TWNK: variants seen among roughly 807,000 people sequenced by gnomAD.
TWNK encodes the protein twinkle mtDNA helicase.
In TWNK, 36 loss-of-function variants were observed where a neutral mutation model predicts 58.2. That is an observed-to-expected ratio of 0.62 (90% CI 0.47 to 0.82). The LOEUF (loss-of-function observed/expected upper bound fraction) is 0.82. Among genes scored for constraint, TWNK ranks in the 40% least tolerant of loss-of-function variants. TWNK has a pLI of 0.00. For missense variants in TWNK, 714 were observed against 881.0 expected (o/e 0.81, Z 2.40); for synonymous variants, 349 against 348.5 (o/e 1.00, Z -0.02).
chr10:100,991,008 AAAGTGAG>A lies in TWNK; in HGVS notation c.1733_1734+5del, dbSNP rs1489901957. 6.2e-7 allele frequency: 1 copy of A among 1,614,124 alleles called. No homozygotes were observed. Among genetic ancestry groups the A allele is most frequent in the Non-Finnish European group, 8.5e-7 (1 of 1,180,050 alleles). ...GACAGCGTCCATTTTTGGCTCAGCC[AAAGTGAG>A]TGGCCTTTAGCGGAGCTCAAGCTTT... On this transcript the variant is annotated splice_donor_variant and splice_donor_5th_base_variant and coding_sequence_variant and intron_variant, in exon 4 of 5. Transcript: ENST00000311916. LOFTEE classifies it high-confidence loss of function.
chr10:100,991,091 A>G, intron 4 of TWNK, 81 bp downstream of exon 4: 1 of 1,600,842 alleles, frequency 6.2e-7, no homozygotes, highest in Non-Finnish European at 8.5e-7. Context: ...TTCAGCCTTA[A>G]TCGTCTTGAC....
At chr10:100,991,148 G>A (rs1489002481) in intron 4 of TWNK, 138 bp downstream of exon 4, 12 of 1,280,270 alleles carry the variant, frequency 9.4e-6, no homozygotes, top group Middle Eastern at 5.3e-4. Context: ...GCCATGACAT[G>A]AGGAATATAT....
Position 100,989,809 on chromosome 10 carries a change from A to G in TWNK, c.1409A>G (p.Lys470Arg), listed in dbSNP as rs1292886347. The change falls in exon 2 of 5, where the codon AAA becomes AGA. Residue 470 changes from lysine to arginine, a missense_variant. By Grantham distance (26) the Lys-to-Arg change is conservative (BLOSUM62 2). This residue lies in a region of TWNK where 302 missense variants were observed against 438.6 expected (regional missense o/e 0.69). Transcript: ENST00000311916. The surrounding 1 kb of genome is among the most constrained non-coding windows in gnomAD (Gnocchi z 7.6). ...AEGRLEDQLD[K>R]YDHWADRFED... The stretch of plus-strand genomic sequence containing the variant: ...GGGCGGCTGGAAGATCAACTGGACA[A>G]ATATGATCACTGGGCTGACCGCTTT... 1 of 1,614,094 alleles carries G rather than the reference A, an allele frequency of 6.2e-7. No homozygotes were observed. Among genetic ancestry groups the G allele is most frequent in the Non-Finnish European group, 8.5e-7 (1 of 1,180,044 alleles).
At position 100,988,441 on chromosome 10, in the gene TWNK, C is replaced by T. The variant is rs2133934933; in HGVS notation, c.231C>T (p.Cys77=). ...TCCCCTTCCAGGATGGTCACAGTTG[C>T]CTGCGGGCACTGAGCCCCTTTGCAG... ...HGIPFQDGHS[C]LRALSPFAES... is the part of the protein sequence containing the mutation. The change falls in exon 1 of 5, where the codon TGC becomes TGT. Residue 77 remains cysteine, a synonymous_variant. Coordinates refer to ENST00000311916, the MANE Select transcript of TWNK (RefSeq NM_021830.5). The surrounding 1 kb of genome is among the most constrained non-coding windows in gnomAD (Gnocchi z 5.2). 1.2e-6 allele frequency: 2 copies of T among 1,614,248 alleles called. No homozygotes were observed. The highest frequency in any genetic ancestry group is 2.2e-5 in the South Asian group (2 of 91,090).
Position 100,991,001 on chromosome 10 carries a change from C to G in TWNK, c.1725C>G (p.Gly575=). The change falls in exon 4 of 5, where the codon GGC becomes GGG. Residue 575 remains glycine (G), a synonymous_variant. Coordinates refer to ENST00000311916, the MANE Select transcript of TWNK (RefSeq NM_021830.5). Reference sequence around the variant, plus strand: ...AACTGCAGACAGCGTCCATTTTTGGCTCAGCCAAAGTGAGTGGCCTTTAGC... The same window carrying G: ...AACTGCAGACAGCGTCCATTTTTGGGTCAGCCAAAGTGAGTGGCCTTTAGC... The part of the protein sequence containing the change: ...DKELQTASIF[G]SAKASQEADN... 1 of 1,614,170 alleles carries G rather than the reference C, an allele frequency of 6.2e-7. No individual in the cohort carries two copies. The highest frequency in any genetic ancestry group is 8.5e-7 in the Non-Finnish European group (1 of 1,180,022).
chr10:100,989,104 G>C lies in TWNK; in HGVS notation c.894G>C (p.Leu298=). 1 of 1,612,794 alleles carries C rather than the reference G, an allele frequency of 6.2e-7. No homozygotes were observed. The highest frequency in any genetic ancestry group is 2.2e-5 in the East Asian group (1 of 44,834). Residue 298 remains leucine, a synonymous_variant, in exon 1 of 5, where the codon CTG becomes CTC. Transcript: ENST00000311916. This position sits in a 1 kb window ranked among gnomAD's most constrained non-coding sequence, Gnocchi z 7.6. ...TCLPPALLPY[L]EQFRRIVFWL... ...TACCCCCTGCCTTACTCCCTTACCT[G>C]GAACAGTTCCGGCGGATTGTATTCT...
intron 3 of TWNK, 159 bp downstream of exon 3, chr10:100,990,702 G>A: frequency 1.3e-6 from 2 of 1,587,500 alleles, no homozygotes; most frequent in South Asian, 1.1e-5. Context: ...GGAGGTGTGG[G>A]GTATGGCAGC....
rs923943932 is a variant in TWNK at position 100,989,434 on chromosome 10, C to T, written c.1224C>T (p.Gly408=). The T allele has an allele frequency of 5.6e-6, 9 of 1,613,886 alleles. No homozygotes were observed. Among genetic ancestry groups the T allele is most frequent in the East Asian group, 2.2e-5 (1 of 44,896 alleles). The change falls in exon 1 of 5, where the codon GGC becomes GGT. Residue 408 remains glycine, a synonymous_variant. Transcript: ENST00000311916. The surrounding 1 kb of genome is among the most constrained non-coding windows in gnomAD (Gnocchi z 7.6). ...GTATCTTGAAGGGACATCGAAAGGGCGAGCTGACGGTCTTCACAGGTAACC... is the reference window on the plus strand; with the variant it reads ...GTATCTTGAAGGGACATCGAAAGGGTGAGCTGACGGTCTTCACAGGTAACC... ...LNRILKGHRK[G]ELTVFTGPTG...
At position 100,988,847 on chromosome 10, in the gene TWNK, G is replaced by T; in HGVS notation, c.637G>T (p.Gly213Cys). 6.2e-7 allele frequency: 1 copy of T among 1,614,180 alleles called. No homozygotes were observed. Among genetic ancestry groups the T allele is most frequent in the Admixed American group, 1.7e-5 (1 of 60,024 alleles). ...TGTCTTCCCTTGGTTCTCCCCTGGG[G>T]GCTCAGGATTACGAGGCCTGAAGCT... The part of the protein sequence containing the change: ...SLVFPWFSPG[G>C]SGLRGLKLLE... Residue 213 changes from glycine to cysteine, a missense_variant, in exon 1 of 5, where the codon GGC becomes TGC. By Grantham distance (159) the Gly-to-Cys change is radical. Around this residue, in one of 3 missense-constraint regions of TWNK, gnomAD observed 348 missense variants for 388.4 expected, o/e 0.90. Transcript: ENST00000311916. This position sits in a 1 kb window ranked among gnomAD's most constrained non-coding sequence, Gnocchi z 5.2.
At position 100,988,666 on chromosome 10, in the gene TWNK, G is replaced by A; in HGVS notation, c.456G>A (p.Glu152=). Residue 152 remains glutamate, a synonymous_variant, in exon 1 of 5, where the codon GAG becomes GAA. Transcript: ENST00000311916. This position sits in a 1 kb window ranked among gnomAD's most constrained non-coding sequence, Gnocchi z 5.2. ...LSKAPEFEDS[E]EVRRIWNRAI... is the part of the protein sequence containing the mutation. ...AGGCACCAGAATTTGAGGACAGCGA[G>A]GAGGTCCGGAGGATCTGGAACCGAG... 6.2e-7 allele frequency: 1 copy of A among 1,614,108 alleles called. No homozygotes were observed.
chr10:100,992,864 G>A (rs1399251242), intron 4 of TWNK, among the ~76,000 whole-genome samples: 5 of 151,854 alleles, frequency 3.3e-5, no homozygotes, highest in Non-Finnish European at 7.4e-5. Context: ...TTGGCTCACT[G>A]CAACCTCCGC....
In TWNK at chr10:100,989,101, C is replaced by T; in HGVS notation, c.891C>T (p.Tyr297=). 1.9e-6 allele frequency: 3 copies of T among 1,613,102 alleles called. No individual in the cohort carries two copies. The highest frequency in any genetic ancestry group is 2.5e-6 in the Non-Finnish European group (3 of 1,179,156). The change falls in exon 1 of 5, where the codon TAC becomes TAT. Residue 297 remains tyrosine (Y), a synonymous_variant. Transcript: ENST00000311916. This position sits in a 1 kb window ranked among gnomAD's most constrained non-coding sequence, Gnocchi z 7.6. ...TTCLPPALLP[Y]LEQFRRIVFW... is the part of the protein sequence containing the mutation. The stretch of plus-strand genomic sequence containing the variant: ...GCTTACCCCCTGCCTTACTCCCTTA[C>T]CTGGAACAGTTCCGGCGGATTGTAT...
chr10:100,989,839 A>C lies in TWNK; in HGVS notation c.1439A>C (p.Asp480Ala), dbSNP rs776631813. The change falls in exon 2 of 5, where the codon GAC (aspartate) becomes GCC (alanine). Residue 480 changes from aspartate (D) to alanine (A), a missense_variant. Transcript: ENST00000311916. This position sits in a 1 kb window ranked among gnomAD's most constrained non-coding sequence, Gnocchi z 7.6. The part of the protein sequence containing the change: ...KYDHWADRFE[D>A]LPLYFMTFHG... ...GATCACTGGGCTGACCGCTTTGAGG[A>C]CCTGCCCCTCTATTTCATGACTTTC... 6.2e-7 allele frequency: 1 copy of C among 1,614,118 alleles called. No homozygotes were observed.
chr10:100,988,277 G>C lies in TWNK; in HGVS notation c.67G>C (p.Gly23Arg). ...GTTACCCCTGCGTGGGGAGTGGATG[G>C]GTCGGAGGGGCCTGCCCCGAAACTT... ...ILLPLRGEWM[G>R]RRGLPRNLAP... Residue 23 changes from glycine (G) to arginine (R), a missense_variant, in exon 1 of 5, where the codon GGT (glycine) becomes CGT (arginine). Physicochemically the swap from Gly to Arg is moderately radical, Grantham distance 125 (BLOSUM62 -2). This residue lies in a region of TWNK where 348 missense variants were observed against 388.4 expected (regional missense o/e 0.90). Transcript: ENST00000311916. The surrounding 1 kb of genome is among the most constrained non-coding windows in gnomAD (Gnocchi z 5.2). 1 of 1,613,946 alleles carries C rather than the reference G, an allele frequency of 6.2e-7. No individual in the cohort carries two copies. Among genetic ancestry groups the C allele is most frequent in the South Asian group, 1.1e-5 (1 of 91,090 alleles).
In TWNK at chr10:100,988,031, A is replaced by G. The variant is rs1185170155; in HGVS notation, c.-180A>G. On this transcript the variant is annotated 5_prime_UTR_variant, in exon 1 of 5. Transcript: ENST00000311916. This position sits in a 1 kb window ranked among gnomAD's most constrained non-coding sequence, Gnocchi z 5.2. ...ACGCGAAAGGGTCGTGTAGATGGGC[A>G]TATGTGTGAAGCAGCAACGTAGAGG... The G allele has an allele frequency of 4.1e-6, 3 of 726,870 alleles. No individual in the cohort carries two copies. The highest frequency in any genetic ancestry group is 7.2e-6 in the Non-Finnish European group (3 of 414,132). 45.0% of individuals were successfully genotyped at this position (726,870 alleles called of 1,614,324 possible).
At position 100,987,736 on chromosome 10, in the gene TWNK, C is replaced by T. The variant is rs936392882; in HGVS notation, c.-475C>T. 30 of 584,756 alleles carry T rather than the reference C, an allele frequency of 5.1e-5. No individual in the cohort carries two copies. The highest frequency in any genetic ancestry group is 4.4e-4 in the Middle Eastern group (1 of 2,252). 36.2% of individuals were successfully genotyped at this position (584,756 alleles called of 1,614,324 possible). A position where few individuals can be genotyped will look rare whatever the true frequency, so the allele number is the denominator to read the frequency against. ...GGATTGGCGGGAGTCGTGCTGGGTGCTCTCGCCGTGTTGAGGTCCCAGTGA... is the reference window on the plus strand; with the variant it reads ...GGATTGGCGGGAGTCGTGCTGGGTGTTCTCGCCGTGTTGAGGTCCCAGTGA... On this transcript the variant is annotated 5_prime_UTR_variant, in exon 1 of 5. Coordinates refer to ENST00000311916, the MANE Select transcript of TWNK (RefSeq NM_021830.5).
Position 100,988,306 on chromosome 10 carries a change from C to T in TWNK, c.96C>T (p.Ala32=), listed in dbSNP as rs776906884. The T allele has an allele frequency of 1.2e-6, 2 of 1,614,106 alleles. No individual in the cohort carries two copies. The highest frequency in any genetic ancestry group is 1.3e-5 in the African/African-American group (1 of 74,956). The change falls in exon 1 of 5, where the codon GCC becomes GCT. Residue 32 remains alanine (A), a synonymous_variant. Coordinates refer to ENST00000311916, the MANE Select transcript of TWNK (RefSeq NM_021830.5). This position sits in a 1 kb window ranked among gnomAD's most constrained non-coding sequence, Gnocchi z 5.2. ...GGAGGGGCCTGCCCCGAAACTTGGCCCCAGGCCCTCCTCGCAGACGTTACA... is the reference window on the plus strand; with the variant it reads ...GGAGGGGCCTGCCCCGAAACTTGGCTCCAGGCCCTCCTCGCAGACGTTACA... ...MGRRGLPRNL[A]PGPPRRRYRK...
At position 100,993,420 on chromosome 10, in the gene TWNK, CA is replaced by C; in HGVS notation, c.1970del (p.Lys657ArgfsTer43). On this transcript the variant is annotated frameshift_variant, in exon 5 of 5. Coordinates refer to ENST00000311916, the MANE Select transcript of TWNK (RefSeq NM_021830.5). LOFTEE classifies it low-confidence loss of function (END_TRUNC). Reference sequence around the variant, plus strand: ...CAGTGGCCAAAAAGCCCTCTTCTGGCAAAAAGGGGGCTACGACACAGAACTC... The same window carrying C: ...CAGTGGCCAAAAAGCCCTCTTCTGGCAAAAGGGGGCTACGACACAGAACTC... Reference protein sequence around the residue: ...GPVAKKPSSGKKGATTQNSEI... With the variant: ...GPVAKKPSSGXKGATTQNSEI... 1 of 1,613,994 alleles carries C rather than the reference CA, an allele frequency of 6.2e-7. No homozygotes were observed. Among genetic ancestry groups the C allele is most frequent in the Non-Finnish European group, 8.5e-7 (1 of 1,179,994 alleles).
rs1484325452 is a variant in TWNK at position 100,989,975 on chromosome 10, T to TC, written c.1484+96dup. On this transcript the variant is annotated intron_variant, in intron 2 of 4. Coordinates refer to ENST00000311916, the MANE Select transcript of TWNK (RefSeq NM_021830.5). This position sits in a 1 kb window ranked among gnomAD's most constrained non-coding sequence, Gnocchi z 7.6. ...TTCCTTTTCCAGCTCCAGTAGGAAC[T>TC]CCCCCATCTCCTTAGGTTTGGAGTT... 12 of 1,505,930 alleles carry TC rather than the reference T, an allele frequency of 8.0e-6. No individual in the cohort carries two copies. The highest frequency in any genetic ancestry group is 6.7e-5 in the Admixed American group (4 of 59,812). 93.3% of individuals were successfully genotyped at this position (1,505,930 alleles called of 1,614,324 possible).
Sources: allele counts gnomAD v4.1 joint callset (sites outside exome capture counted in the v4.1 genomes callset), GRCh38; gene constraint gnomAD v4.1.1; regional missense constraint gnomAD v4.1.1; non-coding constraint Gnocchi (gnomAD v3.1); transcripts MANE v1.5; gene names NCBI Gene and HGNC (gene_info 2026-07-23, HGNC 2026-07-21).